The following KIAA1549L variants were observed in gnomAD, a reference collection of about 807,000 sequenced individuals.
KIAA1549L encodes UPF0606 protein KIAA1549L.
A neutral mutation model predicts 160.7 loss-of-function variants in KIAA1549L; 88 were observed. The observed-to-expected ratio is 0.55, with a 90% confidence interval of 0.46 to 0.65. KIAA1549L has a LOEUF of 0.65. Ranked by LOEUF, KIAA1549L falls within the 30% of genes least tolerant of loss-of-function variation. The probability of loss-of-function intolerance (pLI) is 0.00; values close to 1 mark genes in which losing one functional copy is unlikely to be tolerated. For synonymous variants in KIAA1549L, 950 were observed against 976.7 expected (o/e 0.97, Z 0.51); for missense variants, 2,258 against 2,437.5 (o/e 0.93, Z 1.55).
At chr11:33,405,715 A>C (rs908612534) in intron 1 of KIAA1549L, among the ~76,000 whole-genome samples, 2 of 151,400 alleles carry the variant, frequency 1.3e-5, no homozygotes, top group African/African-American at 4.9e-5. Context: ...GGTGGCGGGC[A>C]CCTGTAGTCC....
chr11:33,535,168 T>G (rs1440673210), intron 1 of KIAA1549L, among the ~76,000 whole-genome samples: 2 of 152,124 alleles, frequency 1.3e-5, no homozygotes, highest in African/African-American at 4.8e-5. Context: ...TTTGACTTAT[T>G]TCTGGCTATC....
At chr11:33,450,342 G>C (rs1851694581) in intron 1 of KIAA1549L, among the ~76,000 whole-genome samples, 1 of 152,112 alleles carries the variant, frequency 6.6e-6, no homozygotes, top group African/African-American at 2.4e-5. Flanking sequence ...AGGATTGCTT[G>C]AGCCCAGGAA....
At chr11:33,601,932 C>G (rs1373649681) in intron 13 of KIAA1549L, among the ~76,000 whole-genome samples, 1 of 152,120 alleles carries the variant, frequency 6.6e-6, no homozygotes, top group Non-Finnish European at 1.5e-5. Context: ...GACATGAGAG[C>G]TAGGATTTTG....
chr11:33,411,154 A>G (rs1850777320), intron 1 of KIAA1549L, among the ~76,000 whole-genome samples: 1 of 152,232 alleles, frequency 6.6e-6, no homozygotes, highest in African/African-American at 2.4e-5. Context: ...CTACTTTGCC[A>G]GAGGTGAAAC....
rs142441764 is a variant in KIAA1549L at position 33,410,805 on chromosome 11, A to G, written c.238+33916A>G. On this transcript the variant is annotated intron_variant, in intron 1 of 20. Coordinates refer to ENST00000658780, the MANE Select transcript of KIAA1549L (RefSeq NM_012194.3). ...GGGAAGAGGGAACAGCATGAGCAAA[A>G]CTAAAAGAAGGGATTTGCAAGATGT... is the stretch of plus-strand genomic sequence containing the variant. Among the ~76,000 whole-genome samples, 486 of 152,340 alleles carry G rather than the reference A, an allele frequency of 3.2e-3. 4 individuals carry two copies. The highest frequency in any genetic ancestry group is 9.9e-3 in the South Asian group (48 of 4,830).
In KIAA1549L at chr11:33,508,309, A is replaced by T. The variant is rs1392203447; in HGVS notation, c.239-33493A>T. ...CCATAGCTGCTACTAACATTTTACC[A>T]TCCAGCCACGGTGGCTTCACAGATA... On this transcript the variant is annotated intron_variant, in intron 1 of 20. Coordinates refer to ENST00000658780, the MANE Select transcript of KIAA1549L (RefSeq NM_012194.3). Among the ~76,000 whole-genome samples the T allele has an allele frequency of 2.6e-5, 4 of 152,272 alleles. No homozygotes were observed. The East Asian group carries it at 7.7e-4, about 29-fold the overall frequency.
At chr11:33,398,979 G>C (rs1230153966) in intron 1 of KIAA1549L, among the ~76,000 whole-genome samples, 1 of 147,540 alleles carries the variant, frequency 6.8e-6, no homozygotes, top group African/African-American at 2.5e-5. Flanking sequence ...TTGAAATGGA[G>C]TCTTGCTCTG....
rs1853660144 is a variant in KIAA1549L, at chr11:33,528,272, T to C, written c.239-13530T>C. ...CAGAGAATGCACATCAAAACCACAA[T>C]GCAATACCACCTTACTCCTGCAAGA... On this transcript the variant is annotated intron_variant, in intron 1 of 20. Coordinates refer to ENST00000658780, the MANE Select transcript of KIAA1549L (RefSeq NM_012194.3). 2.0e-5 allele frequency among the ~76,000 whole-genome samples: 3 copies of C among 152,096 alleles called. No homozygotes were observed. The South Asian group carries it at 6.2e-4, about 32-fold the overall frequency.
chr11:33,573,399 G>A (rs1231628598), intron 9 of KIAA1549L, among the ~76,000 whole-genome samples: 7 of 152,078 alleles, frequency 4.6e-5, no homozygotes, highest in Non-Finnish European at 1.0e-4. Context: ...AGTATATTAT[G>A]TAGTTTTGCT....
At position 33,521,274 on chromosome 11, in the gene KIAA1549L, G is replaced by T. The variant is rs183098580; in HGVS notation, c.239-20528G>T. Among the ~76,000 whole-genome samples, 180 of 152,316 alleles carry T rather than the reference G, an allele frequency of 1.2e-3. No homozygotes were observed. The South Asian group carries it at 0.025, about 21-fold the overall frequency. On this transcript the variant is annotated intron_variant, in intron 1 of 20. Coordinates refer to ENST00000658780, the MANE Select transcript of KIAA1549L (RefSeq NM_012194.3). ...ATCTTACGTGCTGCTCTGTAGTGAG[G>T]CAGGATACAGTTGCGGTTAAGAATG...
intron 1 of KIAA1549L, among the ~76,000 whole-genome samples, chr11:33,414,308 A>G (rs1290209774): frequency 2.0e-5 from 3 of 152,230 alleles, no homozygotes. Flanking sequence ...TGAAGTGAAT[A>G]TTCCATGGAT....
intron 1 of KIAA1549L, among the ~76,000 whole-genome samples, chr11:33,413,025 G>A (rs1255336411): frequency 6.6e-6 from 1 of 152,142 alleles, no homozygotes; most frequent in Non-Finnish European, 1.5e-5. Context: ...GCTTTTTGAA[G>A]AGGGAATATG....
At chr11:33,428,220 G>A (rs1851159986) in intron 1 of KIAA1549L, among the ~76,000 whole-genome samples, 1 of 152,126 alleles carries the variant, frequency 6.6e-6, no homozygotes, top group Non-Finnish European at 1.5e-5. Context: ...AAGTGGCTGG[G>A]CCAGTTTACA....
intron 1 of KIAA1549L, among the ~76,000 whole-genome samples, chr11:33,435,798 A>ATATATGTGTGTGTG (rs1565135872): frequency 3.9e-4 from 3 of 7,626 alleles, no homozygotes; most frequent in South Asian, 4.9e-3. Flanking sequence ...ATATATATAT[A>ATATATGTGTGTGTG]TATATATATA....
chr11:33,605,211 G>A (rs1194215742), intron 13 of KIAA1549L, among the ~76,000 whole-genome samples: 1 of 151,970 alleles, frequency 6.6e-6, no homozygotes, highest in Non-Finnish European at 1.5e-5. Flanking sequence ...ACTAAGCCTT[G>A]GAAGTAACAC....
At chr11:33,527,699 T>C (rs1415333851) in intron 1 of KIAA1549L, among the ~76,000 whole-genome samples, 2 of 152,124 alleles carry the variant, frequency 1.3e-5, no homozygotes, top group East Asian at 3.8e-4. Context: ...AAAGGACTAA[T>C]ATCCAGAATC....
intron 1 of KIAA1549L, among the ~76,000 whole-genome samples, chr11:33,518,862 G>A (rs1369141232): frequency 6.6e-6 from 1 of 152,142 alleles, no homozygotes; most frequent in African/African-American, 2.4e-5. Flanking sequence ...GATATGTTTT[G>A]ATTTGGGAAT....
intron 10 of KIAA1549L, among the ~76,000 whole-genome samples, chr11:33,576,965 A>G (rs1855471058): frequency 6.6e-6 from 1 of 152,174 alleles, no homozygotes; most frequent in Non-Finnish European, 1.5e-5. Flanking sequence ...AGCTAAGGGA[A>G]TAGGTGAGAA....
intron 9 of KIAA1549L, among the ~76,000 whole-genome samples, chr11:33,572,407 A>G (rs1041999661): frequency 6.6e-6 from 1 of 152,248 alleles, no homozygotes. Flanking sequence ...AGGTTCTACA[A>G]TTGACATTAT....
Sources: allele counts gnomAD v4.1 joint callset (sites outside exome capture counted in the v4.1 genomes callset), GRCh38; gene constraint gnomAD v4.1.1; transcripts MANE v1.5; gene names NCBI Gene and HGNC (gene_info 2026-07-23, HGNC 2026-07-21).